SUSD5: variants seen among roughly 807,000 people sequenced by gnomAD.
SUSD5 encodes sushi domain-containing protein 5.
In SUSD5, 33 loss-of-function variants were observed where a neutral mutation model predicts 29.5. The observed-to-expected ratio is 1.12, with a 90% confidence interval of 0.85 to 1.49. The LOEUF is 1.49. SUSD5 is among the 40% of genes most tolerant of loss of function. The pLI is 0.00. For missense variants in SUSD5, 776 were observed against 800.6 expected, an observed-to-expected ratio of 0.97 and a Z score of 0.37; for synonymous variants, 308 against 325.3, an observed-to-expected ratio of 0.95 and a Z score of 0.57.
intron 3 of SUSD5, among the ~76,000 whole-genome samples, chr3:33,180,659 A>C (rs954705424): frequency 6.6e-6 from 1 of 151,948 alleles, no homozygotes; most frequent in African/African-American, 2.4e-5. Context: ...AAACCCTAAA[A>C]TTACTTTTTA....
chr3:33,192,123 G>A (rs1039026008), intron 3 of SUSD5, among the ~76,000 whole-genome samples: 2 of 151,236 alleles, frequency 1.3e-5, no homozygotes, highest in Admixed American at 1.3e-4. Context: ...GCCTGGACTA[G>A]AGTACAGTGG....
At chr3:33,212,831 G>A (rs766367710) in intron 2 of SUSD5, among the ~76,000 whole-genome samples, 1 of 152,134 alleles carries the variant, frequency 6.6e-6, no homozygotes, top group Non-Finnish European at 1.5e-5. Context: ...CAGAAGTCAC[G>A]TAATCTCACT....
In SUSD5 at chr3:33,175,115, G is replaced by A. The variant is rs537885343; in HGVS notation, c.410-41C>T. On this transcript the variant is annotated intron_variant, in intron 3 of 4. Transcript: ENST00000309558. Reference sequence around the variant, plus strand: ...CACAGTTAGCTTTTCCAAACTGTGCGGAACTTTTTCAGCCTATGAGAAAAC... The same window carrying A: ...CACAGTTAGCTTTTCCAAACTGTGCAGAACTTTTTCAGCCTATGAGAAAAC... 84 of 1,603,472 alleles carry A rather than the reference G, an allele frequency of 5.2e-5. No individual in the cohort carries two copies. The South Asian group carries it at 6.4e-4, about 12-fold the overall frequency.
intron 4 of SUSD5, among the ~76,000 whole-genome samples, chr3:33,171,672 G>C (rs1356735631): frequency 6.6e-6 from 1 of 152,096 alleles, no homozygotes; most frequent in Non-Finnish European, 1.5e-5. Flanking sequence ...TCTTATTCCT[G>C]TATGCACTGC....
At chr3:33,177,745 G>A (rs940924854) in intron 3 of SUSD5, among the ~76,000 whole-genome samples, 3 of 152,138 alleles carry the variant, frequency 2.0e-5, no homozygotes, top group Middle Eastern at 3.2e-3. Flanking sequence ...ACTTTTGTAC[G>A]TTAACCTTGT....
At chr3:33,160,844 A>C (rs1312046267) in intron 4 of SUSD5, among the ~76,000 whole-genome samples, 1 of 152,180 alleles carries the variant, frequency 6.6e-6, no homozygotes, top group Non-Finnish European at 1.5e-5. Flanking sequence ...TACAAACCTC[A>C]AGCAGAATAA....
chr3:33,200,433 A>G (rs1012048160), intron 3 of SUSD5, among the ~76,000 whole-genome samples: 2 of 152,222 alleles, frequency 1.3e-5, no homozygotes, highest in African/African-American at 2.4e-5. Context: ...AGAAGCTAGA[A>G]AAGTTTTGAG....
At chr3:33,201,587 T>C (rs2032118086) in intron 3 of SUSD5, among the ~76,000 whole-genome samples, 1 of 152,316 alleles carries the variant, frequency 6.6e-6, no homozygotes, top group South Asian at 2.1e-4. Flanking sequence ...GCAGAAGACC[T>C]CAGGTCTGAG....
rs2032373852 is a variant in SUSD5 at position 33,213,877 on chromosome 3, CTT to C, written c.290+49_290+50del. ...AACAATTACTGAGTCCTATATAAGC[CTT>C]GGTGGTGCAACTGGGGTGAGTTGGA... On this transcript the variant is annotated intron_variant, in intron 2 of 4. Coordinates refer to ENST00000309558, the MANE Select transcript of SUSD5 (RefSeq NM_015551.2). 5 of 1,545,468 alleles carry C rather than the reference CTT, an allele frequency of 3.2e-6. No individual in the cohort carries two copies. The Admixed American group carries it at 9.2e-5, about 28-fold the overall frequency.
chr3:33,202,328 G>A (rs1167900539), intron 3 of SUSD5, among the ~76,000 whole-genome samples: 4 of 152,092 alleles, frequency 2.6e-5, no homozygotes, highest in Admixed American at 2.6e-4. Flanking sequence ...GAGACACCAG[G>A]CCTTCTCCAG....
At chr3:33,183,573 T>C (rs1289128682) in intron 3 of SUSD5, among the ~76,000 whole-genome samples, 1 of 152,228 alleles carries the variant, frequency 6.6e-6, no homozygotes, top group Non-Finnish European at 1.5e-5. Flanking sequence ...GTATCATTGG[T>C]GTCATTCAGT....
chr3:33,167,453 T>TTGTGTGTGTATGTG lies in SUSD5; in HGVS notation c.598+7419_598+7432dup, dbSNP rs942350670. Among the ~76,000 whole-genome samples, 1 of 151,864 alleles carries TTGTGTGTGTATGTG rather than the reference T, an allele frequency of 6.6e-6. No homozygotes were observed. Among genetic ancestry groups the TTGTGTGTGTATGTG allele is most frequent in the African/African-American group, 2.4e-5 (1 of 41,368 alleles). ...TGTGTATGCATGGATGTGCATGTGA[T>TTGTGTGTGTATGTG]TGTGTGTGTATGTGTGTGTGTGTCT... On this transcript the variant is annotated intron_variant, in intron 4 of 4. Coordinates refer to ENST00000309558, the MANE Select transcript of SUSD5 (RefSeq NM_015551.2). This position sits in a 1 kb window ranked among gnomAD's most constrained non-coding sequence, Gnocchi z 4.1.
At chr3:33,217,947 G>T (rs1325762133) in intron 1 of SUSD5, among the ~76,000 whole-genome samples, 2 of 152,130 alleles carry the variant, frequency 1.3e-5, no homozygotes, top group Non-Finnish European at 2.9e-5. Context: ...TTTTCAAAAG[G>T]GAATGGATAC....
Position 33,153,471 on chromosome 3 carries a change from T to G in SUSD5, c.1161A>C (p.Glu387Asp). Residue 387 changes from glutamate to aspartate, a missense_variant, in exon 5 of 5, where the codon GAA becomes GAC. Transcript: ENST00000309558. Reference protein sequence around the residue: ...TEGAWRKTEAEEEEDGDRGDG... With the variant: ...TEGAWRKTEADEEEDGDRGDG... ...CCCCTCTGTCCCCATCTTCTTCCTC[T>G]TCTGCCTCTGTCTTCCTCCAAGCCC... is the stretch of plus-strand genomic sequence containing the variant. 1 of 1,614,092 alleles carries G rather than the reference T, an allele frequency of 6.2e-7. No homozygotes were observed. Among genetic ancestry groups the G allele is most frequent in the East Asian group, 2.2e-5 (1 of 44,872 alleles).
At chr3:33,154,904 C>T (rs1248567876) in intron 4 of SUSD5, among the ~76,000 whole-genome samples, 1 of 151,988 alleles carries the variant, frequency 6.6e-6, no homozygotes, top group Non-Finnish European at 1.5e-5. Context: ...CAGACATTAA[C>T]TGAATGTTAA....
chr3:33,153,623 T>C lies in SUSD5; in HGVS notation c.1009A>G (p.Lys337Glu), dbSNP rs1168593824. 5 of 1,614,034 alleles carry C rather than the reference T, an allele frequency of 3.1e-6. No homozygotes were observed. Among genetic ancestry groups the C allele is most frequent in the Non-Finnish European group, 4.2e-6 (5 of 1,179,894 alleles). ...CCATCAGTGTTGCCGTAGATCACCT[T>C]GGTTTCAGGTTCACCTGGGACCAAT... ...VKLVPGEPET[K>E]VIYGNTDGPS... The change falls in exon 5 of 5, where the codon AAG (lysine) becomes GAG (glutamate). Residue 337 changes from lysine to glutamate, a missense_variant. Coordinates refer to ENST00000309558, the MANE Select transcript of SUSD5 (RefSeq NM_015551.2).
intron 4 of SUSD5, among the ~76,000 whole-genome samples, chr3:33,154,635 CAATA>C (rs2031008787): frequency 6.6e-6 from 1 of 151,778 alleles, no homozygotes; most frequent in Non-Finnish European, 1.5e-5. Flanking sequence ...TAAATATTGT[CAATA>C]AACAGAAAAT....
At chr3:33,215,726 C>T (rs1407686534) in intron 1 of SUSD5, among the ~76,000 whole-genome samples, 1 of 152,148 alleles carries the variant, frequency 6.6e-6, no homozygotes, top group Non-Finnish European at 1.5e-5. Context: ...GGAAAATCCC[C>T]TTGTGCATGG....
intron 4 of SUSD5, among the ~76,000 whole-genome samples, chr3:33,159,706 TACAC>T (rs35599277): frequency 0.29 from 43,633 of 150,910 alleles, 7,052 homozygotes; most frequent in East Asian, 0.5. Context: ...AACACACCCA[TACAC>T]ACACACACAC....
Sources: allele counts gnomAD v4.1 joint callset (sites outside exome capture counted in the v4.1 genomes callset), GRCh38; gene constraint gnomAD v4.1.1; non-coding constraint Gnocchi (gnomAD v3.1); transcripts MANE v1.5; gene names NCBI Gene and HGNC (gene_info 2026-07-23, HGNC 2026-07-21).